Variants in SCN10A observed in about 807,000 individuals in gnomAD.
SCN10A encodes the protein sodium voltage-gated channel alpha subunit 10.
A neutral mutation model predicts 170.7 loss-of-function variants in SCN10A; 162 were observed. That is an observed-to-expected ratio of 0.95 (90% CI 0.84 to 1.08). The LOEUF (loss-of-function observed/expected upper bound fraction) is 1.08. SCN10A is among the 50% of genes least tolerant of loss of function. The pLI is 0.00. For synonymous variants in SCN10A, 985 were observed against 904.6 expected, an observed-to-expected ratio of 1.09 and a Z score of -1.59; for missense variants, 2,527 against 2,436.9, an observed-to-expected ratio of 1.04 and a Z score of -0.78.
intron 1 of SCN10A, among the ~76,000 whole-genome samples, chr3:38,798,823 TC>T (rs2064355456): frequency 2.5e-5 from 3 of 119,148 alleles, no homozygotes; most frequent in African/African-American, 9.5e-5. Flanking sequence ...AAGTTCTCAC[TC>T]TGTTGTCCAG....
intron 4 of SCN10A, among the ~76,000 whole-genome samples, chr3:38,771,732 C>T (rs899148919): frequency 2.6e-5 from 4 of 152,172 alleles, no homozygotes; most frequent in African/African-American, 4.8e-5. Flanking sequence ...CAGGGCCTCC[C>T]TATCCTGCAA....
Position 38,757,000 on chromosome 3 carries a change from G to A in SCN10A, c.1092+18C>T, listed in dbSNP as rs2063815115. The A allele has an allele frequency of 1.2e-6, 2 of 1,604,974 alleles. No individual in the cohort carries two copies. The highest frequency in any genetic ancestry group is 1.7e-4 in the Middle Eastern group (1 of 5,974). On this transcript the variant is annotated intron_variant, in intron 9 of 27. Coordinates refer to ENST00000449082, the MANE Select transcript of SCN10A (RefSeq NM_006514.4). ...CCAGCCTCCAACCAAGTCTGCGTGG[G>A]GGAATGCAGCTCAGTACCTGCTGGT...
intron 21 of SCN10A, among the ~76,000 whole-genome samples, chr3:38,716,313 G>A (rs1197750540): frequency 1.3e-5 from 2 of 152,038 alleles, no homozygotes; most frequent in Non-Finnish European, 2.9e-5. Flanking sequence ...GGGAGGGGAG[G>A]GACCCTGTGG....
At chr3:38,703,017 A>C (rs573699383) in intron 26 of SCN10A, among the ~76,000 whole-genome samples, 1 of 152,184 alleles carries the variant, frequency 6.6e-6, no homozygotes, top group East Asian at 1.9e-4. Context: ...TGATCTGCAC[A>C]TATCTCCCCC....
intron 2 of SCN10A, 148 bp downstream of exon 2, chr3:38,793,593 G>GATAT (rs146665502): frequency 4.7e-6 from 3 of 636,910 alleles, no homozygotes; most frequent in South Asian, 2.3e-5. Context: ...ATAAGTTAGA[G>GATAT]ATATATATAT....
Position 38,723,552 on chromosome 3 carries a change from C to A in SCN10A, c.3230G>T (p.Gly1077Val), listed in dbSNP as rs1309415508. ...CTCAGAGGAGCTTGTGTCGTCCACT[C>A]CCTGCAGGGGAGAAGCCCAGGGCAG... ...DESVPQVPAE[G>V]VDDTSSSEGS... The change falls in exon 19 of 28, where the codon GGA (glycine) becomes GTA (valine). Residue 1077 changes from glycine (G) to valine (V), a missense_variant and splice_region_variant. Gly to Val is a moderately radical substitution (Grantham distance 109). Transcript: ENST00000449082. The A allele has an allele frequency of 1.9e-6, 3 of 1,587,530 alleles. No homozygotes were observed. Among genetic ancestry groups the A allele is most frequent in the East Asian group, 2.3e-5 (1 of 43,468 alleles).
rs2125989927 is a variant in SCN10A at position 38,712,354 on chromosome 3, C to A, written c.3896G>T (p.Gly1299Val). 4 of 1,614,152 alleles carry A rather than the reference C, an allele frequency of 2.5e-6. No homozygotes were observed. The highest frequency in any genetic ancestry group is 3.4e-6 in the Non-Finnish European group (4 of 1,180,026). ...AAACTTCCCTGCGAAGAGGTTCACA[C>A]CCATGATGCTGAAGATGAGCCAGAA... ...LIFWLIFSIMGVNLFAGKFWR... is the reference protein window; with the variant it reads ...LIFWLIFSIMVVNLFAGKFWR... Residue 1299 changes from glycine (G) to valine (V), a missense_variant, in exon 23 of 28, where the codon GGT becomes GTT. Transcript: ENST00000449082.
At position 38,697,632 on chromosome 3, in the gene SCN10A, C is replaced by G. The variant is rs191869263; in HGVS notation, c.5588G>C (p.Arg1863Pro). The G allele has an allele frequency of 2.5e-6, 4 of 1,614,160 alleles. 1 individual carries two copies. In the South Asian group the frequency reaches 3.3e-5, roughly 13 times the overall value. The part of the protein sequence containing the change: ...ISATVIQKAY[R>P]SYVLHRSMAL... ...CATGGAGCGGTGCAGCACATAGCTC[C>G]GATAGGCCTTTTGAATGACAGTGGC... The change falls in exon 28 of 28, where the codon CGG (arginine) becomes CCG (proline). Residue 1863 changes from arginine (R) to proline (P), a missense_variant. By Grantham distance (103) the Arg-to-Pro change is moderately radical. Coordinates refer to ENST00000449082, the MANE Select transcript of SCN10A (RefSeq NM_006514.4).
At chr3:38,713,817 A>G (rs867450147) in intron 22 of SCN10A, 141 bp downstream of exon 22, 1 of 911,728 alleles carries the variant, frequency 1.1e-6, no homozygotes, top group African/African-American at 1.7e-5. Flanking sequence ...TAGCAGAGAC[A>G]GGGTTTCGGC....
intron 11 of SCN10A, among the ~76,000 whole-genome samples, chr3:38,753,826 G>T (rs1400047617): frequency 6.6e-6 from 1 of 152,148 alleles, no homozygotes; most frequent in African/African-American, 2.4e-5. Flanking sequence ...GACAAATGGT[G>T]GGCAATGTCT....
At chr3:38,774,677 A>G (rs2064050195) in intron 4 of SCN10A, among the ~76,000 whole-genome samples, 1 of 152,222 alleles carries the variant, frequency 6.6e-6, no homozygotes, top group Admixed American at 6.5e-5. Context: ...TCACTGAGAT[A>G]CCCAACTTGT....
At chr3:38,716,172 T>C (rs1254739735) in intron 21 of SCN10A, among the ~76,000 whole-genome samples, 1 of 152,150 alleles carries the variant, frequency 6.6e-6, no homozygotes, top group Non-Finnish European at 1.5e-5. Context: ...ATGATGGATA[T>C]GTTAATATGT....
At chr3:38,737,131 C>T (rs1239200149) in intron 15 of SCN10A, among the ~76,000 whole-genome samples, 3 of 150,202 alleles carry the variant, frequency 2.0e-5, no homozygotes, top group African/African-American at 7.4e-5. Flanking sequence ...CCACCGTGCC[C>T]GGCTAATTTT....
At chr3:38,709,411 G>A in intron 25 of SCN10A, 67 bp downstream of exon 25, 1 of 1,509,172 alleles carries the variant, frequency 6.6e-7, no homozygotes, top group Non-Finnish European at 8.9e-7. Context: ...GCCAGAGCTG[G>A]GCAGGGAACA....
rs199704443 is a variant in SCN10A, at chr3:38,763,631, G to A, written c.600-35C>T. 4 of 1,517,836 alleles carry A rather than the reference G, an allele frequency of 2.6e-6. No homozygotes were observed. In the East Asian group the frequency reaches 9.0e-5, roughly 34 times the overall value. 94.0% of individuals were successfully genotyped at this position (1,517,836 alleles called of 1,614,324 possible). A position where few individuals can be genotyped will look rare whatever the true frequency, so the allele number is the denominator to read the frequency against. ...CAGAAGTTAGTCAGCATCTCTGCAA[G>A]CAAGGGTCCTGGGGATGCATGCAGC... On this transcript the variant is annotated intron_variant, in intron 5 of 27. Transcript: ENST00000449082.
intron 11 of SCN10A, among the ~76,000 whole-genome samples, chr3:38,754,393 A>T (rs1444946637): frequency 6.6e-6 from 1 of 152,226 alleles, no homozygotes; most frequent in Non-Finnish European, 1.5e-5. Flanking sequence ...TGTTCTAGTC[A>T]TCTCTTTATA....
At chr3:38,700,811 C>T (rs1054162037) in intron 27 of SCN10A, among the ~76,000 whole-genome samples, 1 of 152,186 alleles carries the variant, frequency 6.6e-6, no homozygotes, top group African/African-American at 2.4e-5. Flanking sequence ...TACACCCCGA[C>T]ATGAAAAGTA....
At chr3:38,741,549 C>G (rs1236079573) in intron 14 of SCN10A, among the ~76,000 whole-genome samples, 1 of 152,196 alleles carries the variant, frequency 6.6e-6, no homozygotes, top group Non-Finnish European at 1.5e-5. Flanking sequence ...TGAGAAGCAT[C>G]TGAGTATTAT....
At chr3:38,757,230 A>C in intron 8 of SCN10A, 71 bp from the exon 9 acceptor site, 1 of 1,456,982 alleles carries the variant, frequency 6.9e-7, no homozygotes, top group Non-Finnish European at 9.3e-7. Flanking sequence ...CGAGACAACC[A>C]CAGAGTTTTA....
Sources: allele counts gnomAD v4.1 joint callset (sites outside exome capture counted in the v4.1 genomes callset), GRCh38; gene constraint gnomAD v4.1.1; transcripts MANE v1.5; gene names NCBI Gene and HGNC (gene_info 2026-07-23, HGNC 2026-07-21).